Variants in NR4A3 observed in about 807,000 individuals in gnomAD.
NR4A3 encodes nuclear receptor subfamily 4 group A member 3, also known as chondrosarcoma, extraskeletal myxoid, fused to EWS.
In NR4A3, 13 loss-of-function variants were observed where a neutral mutation model predicts 55.6. That is an observed-to-expected ratio of 0.23 (90% CI 0.15 to 0.37). The LOEUF (loss-of-function observed/expected upper bound fraction) is 0.37, where lower values mean the gene tolerates loss of function less well. Ranked by LOEUF, NR4A3 falls within the 10% of genes least tolerant of loss-of-function variation. NR4A3 has a pLI of 1.00. For synonymous variants in NR4A3, 342 were observed against 357.9 expected, an observed-to-expected ratio of 0.96 and a Z score of 0.50; for missense variants, 646 against 822.8, an observed-to-expected ratio of 0.79 and a Z score of 2.63.
Position 99,866,393 on chromosome 9 carries a change from A to G in NR4A3, c.*2526A>G, listed in dbSNP as rs536579050. Reference sequence around the variant, plus strand: ...TTTTTACACCCATCAGATTTAAGGAAAAGACTTTTTAGCCATTATAATCTA... The same window carrying G: ...TTTTTACACCCATCAGATTTAAGGAGAAGACTTTTTAGCCATTATAATCTA... On this transcript the variant is annotated 3_prime_UTR_variant, in exon 8 of 8. Transcript: ENST00000395097. 2.7e-4 allele frequency: 60 copies of G among 223,448 alleles called. No homozygotes were observed. Among genetic ancestry groups the G allele is most frequent in the African/African-American group, 1.2e-3 (56 of 44,940 alleles). 13.8% of individuals were successfully genotyped at this position (223,448 alleles called of 1,614,324 possible).
intron 1 of NR4A3, among the ~76,000 whole-genome samples, chr9:99,824,982 C>G (rs938991776): frequency 6.6e-6 from 1 of 152,210 alleles, no homozygotes; most frequent in Non-Finnish European, 1.5e-5. Context: ...GCCGCTAACG[C>G]CGTCCGCTTC....
chr9:99,841,945 G>A (rs1827657519), intron 5 of NR4A3, among the ~76,000 whole-genome samples: 1 of 152,116 alleles, frequency 6.6e-6, no homozygotes, highest in South Asian at 2.1e-4. Context: ...ACTCCAGCCT[G>A]AGGAACAGAG....
intron 5 of NR4A3, among the ~76,000 whole-genome samples, chr9:99,836,501 C>T (rs1827562062): frequency 6.6e-6 from 1 of 152,162 alleles, no homozygotes; most frequent in Non-Finnish European, 1.5e-5. Flanking sequence ...GAGTCCAGTT[C>T]TAAGCTGGGA....
Position 99,863,959 on chromosome 9 carries a change from C to T in NR4A3, c.*92C>T. Reference sequence around the variant, plus strand: ...GGTTTGGAAACCTATCATTTCCTGTCCTTCCTTAAGAGGAAAAGCAGCTCC... The same window carrying T: ...GGTTTGGAAACCTATCATTTCCTGTTCTTCCTTAAGAGGAAAAGCAGCTCC... On this transcript the variant is annotated 3_prime_UTR_variant, in exon 8 of 8. Transcript: ENST00000395097. The T allele has an allele frequency of 7.1e-7, 1 of 1,418,306 alleles. No individual in the cohort carries two copies. Among genetic ancestry groups the T allele is most frequent in the Middle Eastern group, 2.3e-4 (1 of 4,338 alleles). The allele number at this position is 1,418,306 out of a possible 1,614,324, so 87.9% of individuals were successfully genotyped here.
intron 2 of NR4A3, among the ~76,000 whole-genome samples, chr9:99,827,714 T>C (rs564374578): frequency 6.1e-4 from 93 of 152,312 alleles, no homozygotes; most frequent in Non-Finnish European, 1.2e-3. Flanking sequence ...TTTATAGGAT[T>C]CAAAGCCTCT....
chr9:99,858,482 G>A lies in NR4A3; in HGVS notation c.1634-5138G>A, dbSNP rs139113834. On this transcript the variant is annotated intron_variant, in intron 7 of 7. Coordinates refer to ENST00000395097, the MANE Select transcript of NR4A3 (RefSeq NM_006981.4). The stretch of plus-strand genomic sequence containing the variant: ...AGATTAGGAGTGTGATCTATCTGTC[G>A]CATCTCTAACCCCAGTGGTTATAAC... Among the ~76,000 whole-genome samples, 558 of 152,306 alleles carry A rather than the reference G, an allele frequency of 3.7e-3. 4 individuals carry two copies. Among genetic ancestry groups the A allele is most frequent in the African/African-American group, 0.013 (520 of 41,566 alleles).
At chr9:99,829,828 C>G (rs145373999) in intron 3 of NR4A3, among the ~76,000 whole-genome samples, 105 of 152,320 alleles carry the variant, frequency 6.9e-4, no homozygotes, top group Admixed American at 1.9e-3. Flanking sequence ...GGAGGGCCAT[C>G]AGCCTCCCCC....
intron 7 of NR4A3, among the ~76,000 whole-genome samples, chr9:99,856,087 G>C (rs1353827552): frequency 1.3e-5 from 2 of 151,960 alleles, no homozygotes; most frequent in Non-Finnish European, 2.9e-5. Flanking sequence ...GCTTGGACTG[G>C]GGTCGGAGGA....
At chr9:99,826,183 G>A (rs1827292583) in intron 2 of NR4A3, among the ~76,000 whole-genome samples, 1 of 152,152 alleles carries the variant, frequency 6.6e-6, no homozygotes, top group African/African-American at 2.4e-5. Flanking sequence ...ATCACTTAGA[G>A]CAATACTGAG....
In NR4A3 at chr9:99,825,179, G is replaced by C. The variant is rs1187462686; in HGVS notation, c.-176-480G>C. Among the ~76,000 whole-genome samples the C allele has an allele frequency of 6.6e-6, 1 of 151,606 alleles. No homozygotes were observed. The highest frequency in any genetic ancestry group is 1.5e-5 in the Non-Finnish European group (1 of 67,922). On this transcript the variant is annotated intron_variant, in intron 1 of 7. Coordinates refer to ENST00000395097, the MANE Select transcript of NR4A3 (RefSeq NM_006981.4). The surrounding 1 kb of genome is among the most constrained non-coding windows in gnomAD (Gnocchi z 5.0). ...GGACCTTGTGCATTTCCTATGCAACGTGTAAAATTTGTATTTGAGGGGTGG... is the reference window on the plus strand; with the variant it reads ...GGACCTTGTGCATTTCCTATGCAACCTGTAAAATTTGTATTTGAGGGGTGG...
intron 2 of NR4A3, chr9:99,826,826 T>A: frequency 6.2e-7 from 1 of 1,601,918 alleles, no homozygotes; most frequent in East Asian, 2.2e-5. Context: ...TCAAAGGAAA[T>A]GTGAAGTATT....
rs1203232698 is a variant in NR4A3 at position 99,825,334 on chromosome 9, A to G, written c.-176-325A>G. Among the ~76,000 whole-genome samples the G allele has an allele frequency of 2.0e-5, 3 of 150,956 alleles. No individual in the cohort carries two copies. The highest frequency in any genetic ancestry group is 2.1e-4 in the South Asian group (1 of 4,806). The stretch of plus-strand genomic sequence containing the variant: ...TCCTGACTTCGTAAGCTCGGAATCA[A>G]TTGTGGGGGCAGAGAGATCAATTTC... On this transcript the variant is annotated intron_variant, in intron 1 of 7. Transcript: ENST00000395097. This position sits in a 1 kb window ranked among gnomAD's most constrained non-coding sequence, Gnocchi z 5.0.
intron 5 of NR4A3, 51 bp downstream of exon 5, chr9:99,833,505 A>G: frequency 6.2e-7 from 1 of 1,613,978 alleles, no homozygotes; most frequent in South Asian, 1.1e-5. Flanking sequence ...GTCTCTATTT[A>G]TGGCTACTAG....
Position 99,822,346 on chromosome 9 carries a change from T to A in NR4A3, c.-238T>A, listed in dbSNP as rs1827196307. On this transcript the variant is annotated 5_prime_UTR_variant, in exon 1 of 8. Transcript: ENST00000395097. The surrounding 1 kb of genome is among the most constrained non-coding windows in gnomAD (Gnocchi z 4.9). ...GACAGCAGCTGTGACTCCCCCCCAG[T>A]GCAGATTTCGGGACAGCTCTCTAGA... 6.6e-6 allele frequency: 1 copy of A among 152,352 alleles called. No homozygotes were observed. Among genetic ancestry groups the A allele is most frequent in the South Asian group, 2.1e-4 (1 of 4,838 alleles). The allele number at this position is 152,352 out of a possible 1,614,324, so 9.4% of individuals were successfully genotyped here.
intron 7 of NR4A3, among the ~76,000 whole-genome samples, chr9:99,850,897 C>T (rs1827837883): frequency 6.6e-6 from 1 of 152,148 alleles, no homozygotes; most frequent in Admixed American, 6.5e-5. Flanking sequence ...CTTCCCCTAC[C>T]CCTTGGAAGC....
chr9:99,830,748 G>T (rs1031790999), intron 3 of NR4A3, among the ~76,000 whole-genome samples: 1 of 152,176 alleles, frequency 6.6e-6, no homozygotes, highest in Non-Finnish European at 1.5e-5. Flanking sequence ...CAGGATTTCA[G>T]TGGAAAATGC....
intron 1 of NR4A3, among the ~76,000 whole-genome samples, chr9:99,824,567 G>A (rs1254459135): frequency 6.6e-6 from 1 of 152,198 alleles, no homozygotes; most frequent in Non-Finnish European, 1.5e-5. Flanking sequence ...TCCTGGACCT[G>A]GGAGCCCCGA....
At chr9:99,853,615 G>A (rs1469615131) in intron 7 of NR4A3, among the ~76,000 whole-genome samples, 4 of 23,774 alleles carry the variant, frequency 1.7e-4, no homozygotes, top group African/African-American at 6.9e-4. Flanking sequence ...TACTGAGAAT[G>A]ATGGTTTCCA....
intron 1 of NR4A3, among the ~76,000 whole-genome samples, chr9:99,824,780 C>G (rs959561390): frequency 2.0e-5 from 3 of 152,260 alleles, no homozygotes; most frequent in Admixed American, 1.3e-4. Flanking sequence ...TTCCCTGAGG[C>G]CTGCTGAGCT....
Sources: allele counts gnomAD v4.1 joint callset (sites outside exome capture counted in the v4.1 genomes callset), GRCh38; gene constraint gnomAD v4.1.1; non-coding constraint Gnocchi (gnomAD v3.1); transcripts MANE v1.5; gene names NCBI Gene and HGNC (gene_info 2026-07-23, HGNC 2026-07-21).